Variants in ZNF827 observed in about 807,000 individuals in gnomAD.
The protein encoded by ZNF827 is zinc finger protein 827.
ZNF827 carries 13 observed loss-of-function variants against 102.4 expected under a neutral mutation model. The observed-to-expected ratio is 0.13, with a 90% CI of 0.08 to 0.20. The LOEUF is 0.20. Ranked by LOEUF, ZNF827 falls within the 10% of genes least tolerant of loss-of-function variation. ZNF827 has a pLI of 1.00. For missense variants in ZNF827, 1,103 were observed against 1,344.4 expected (o/e 0.82, Z 2.81); for synonymous variants, 523 against 536.2 (o/e 0.98, Z 0.34).
At chr4:145,844,049 A>T (rs1560989019) in intron 7 of ZNF827, among the ~76,000 whole-genome samples, 1 of 151,986 alleles carries the variant, frequency 6.6e-6, no homozygotes, top group Admixed American at 6.6e-5. Flanking sequence ...TAAAATGAAT[A>T]TTTTTTTATG....
chr4:145,855,863 T>A (rs79943788), intron 5 of ZNF827, among the ~76,000 whole-genome samples: 4,505 of 152,240 alleles, frequency 0.03, 109 homozygotes, highest in South Asian at 0.039. Flanking sequence ...ACCTTGTATC[T>A]CCATCCTTGT....
chr4:145,901,358 G>A (rs1158623112), intron 2 of ZNF827, among the ~76,000 whole-genome samples: 2 of 152,190 alleles, frequency 1.3e-5, no homozygotes, highest in South Asian at 2.1e-4. Context: ...AAGAAATGGT[G>A]TTTCCACTGT....
intron 1 of ZNF827, among the ~76,000 whole-genome samples, chr4:145,927,875 G>T (rs1753544875): frequency 6.6e-6 from 1 of 152,188 alleles, no homozygotes; most frequent in Non-Finnish European, 1.5e-5. Flanking sequence ...ACAAACAGAA[G>T]GTTTGAGTAA....
intron 8 of ZNF827, among the ~76,000 whole-genome samples, chr4:145,823,082 C>T (rs1276845761): frequency 1.3e-5 from 2 of 152,122 alleles, no homozygotes; most frequent in Non-Finnish European, 2.9e-5. Flanking sequence ...ACTGCCCTCC[C>T]CTATATTCCT....
chr4:145,786,461 G>A (rs1012663700), intron 8 of ZNF827, among the ~76,000 whole-genome samples: 1 of 152,186 alleles, frequency 6.6e-6, no homozygotes, highest in African/African-American at 2.4e-5. Context: ...CTCTGGGGCC[G>A]CTTGGGTTTT....
At chr4:145,851,432 C>T (rs1281253187) in intron 5 of ZNF827, among the ~76,000 whole-genome samples, 2 of 151,870 alleles carry the variant, frequency 1.3e-5, no homozygotes, top group African/African-American at 4.8e-5. Flanking sequence ...GCTGGGAGGG[C>T]CAAAAAGCTA....
chr4:145,880,253 T>A (rs1186358220), intron 4 of ZNF827, among the ~76,000 whole-genome samples: 1 of 152,212 alleles, frequency 6.6e-6, no homozygotes, highest in Non-Finnish European at 1.5e-5. Context: ...ATCTCAGTTC[T>A]ACCACCTATT....
At chr4:145,835,564 T>TGC (rs879823750) in intron 7 of ZNF827, among the ~76,000 whole-genome samples, 1,511 of 142,834 alleles carry the variant, frequency 0.011, 29 homozygotes, top group East Asian at 0.059. Flanking sequence ...ACTACAGCAA[T>TGC]ATCTCATTGC....
intron 1 of ZNF827, chr4:145,907,372 G>A: frequency 2.8e-6 from 1 of 363,012 alleles, no homozygotes; most frequent in East Asian, 7.6e-5. Flanking sequence ...TACATCGTGA[G>A]AAAAAGTTCT....
chr4:145,814,603 T>TA, intron 8 of ZNF827, among the ~76,000 whole-genome samples: 1 of 97,648 alleles, frequency 1.0e-5, no homozygotes, highest in Middle Eastern at 5.1e-3. Flanking sequence ...TGGTCTCACC[T>TA]CCTAACAAAC....
chr4:145,930,654 G>T (rs1394011836), intron 1 of ZNF827, among the ~76,000 whole-genome samples: 1 of 152,208 alleles, frequency 6.6e-6, no homozygotes, highest in Non-Finnish European at 1.5e-5. Context: ...TTTTTTATAA[G>T]AAGGGAATGG....
chr4:145,809,791 T>G (rs1741835530), intron 8 of ZNF827, among the ~76,000 whole-genome samples: 2 of 152,066 alleles, frequency 1.3e-5, no homozygotes, highest in African/African-American at 2.4e-5. Flanking sequence ...ACCCCTATGA[T>G]TTCATCTCCA....
Position 145,767,738 on chromosome 4 carries a change from C to T in ZNF827, c.2861-2000G>A, listed in dbSNP as rs1364048129. ...TTTAAAGTACTGAAAGATACACTGT[C>T]AACCTAAAATCTTATACCCAGTGAA... On this transcript the variant is annotated intron_variant, in intron 11 of 14. Coordinates refer to ENST00000508784, the MANE Select transcript of ZNF827 (RefSeq NM_001306215.2). 2.6e-5 allele frequency among the ~76,000 whole-genome samples: 4 copies of T among 152,244 alleles called. No individual in the cohort carries two copies. The East Asian group carries it at 7.7e-4, about 29-fold the overall frequency.
At position 145,893,372 on chromosome 4, in the gene ZNF827, A is replaced by G. The variant is rs576994657; in HGVS notation, c.1094-957T>C. ...GAACTTAGACATTTCTTTCTTAATC[A>G]TAAGGAATCAGAAATATTTCAAAAC... On this transcript the variant is annotated intron_variant, in intron 2 of 14. Transcript: ENST00000508784. 1.5e-3 allele frequency among the ~76,000 whole-genome samples: 221 copies of G among 152,372 alleles called. 1 individual carries two copies. The highest frequency in any genetic ancestry group is 5.1e-3 in the African/African-American group (211 of 41,584).
intron 1 of ZNF827, among the ~76,000 whole-genome samples, chr4:145,934,997 A>C (rs1039717496): frequency 2.0e-5 from 3 of 152,172 alleles, no homozygotes; most frequent in Non-Finnish European, 2.9e-5. Flanking sequence ...TTTTGTATTT[A>C]CTCAAAAGGG....
chr4:145,920,590 C>T lies in ZNF827; in HGVS notation c.44-17375G>A, dbSNP rs147462133. 3.9e-5 allele frequency among the ~76,000 whole-genome samples: 6 copies of T among 152,288 alleles called. No individual in the cohort carries two copies. The East Asian group carries it at 1.2e-3, about 29-fold the overall frequency. ...TGTTCATCGCCTCCTATACCCAGCC[C>T]GGGACAATTTAGGCAAATCGTTTTC... On this transcript the variant is annotated intron_variant, in intron 1 of 14. Transcript: ENST00000508784.
intron 3 of ZNF827, among the ~76,000 whole-genome samples, chr4:145,888,395 G>A (rs1183709885): frequency 6.6e-6 from 1 of 152,176 alleles, no homozygotes; most frequent in Admixed American, 6.5e-5. Context: ...CTTCTCTAAA[G>A]CACGTCATTC....
At chr4:145,844,187 G>C (rs530926213) in intron 7 of ZNF827, among the ~76,000 whole-genome samples, 93 of 152,058 alleles carry the variant, frequency 6.1e-4, no homozygotes, top group African/African-American at 2.2e-3. Context: ...GGATTCCATG[G>C]GAGTTCACAT....
At chr4:145,773,197 ATT>A (rs1325588567) in intron 11 of ZNF827, among the ~76,000 whole-genome samples, 1 of 152,218 alleles carries the variant, frequency 6.6e-6, no homozygotes, top group Non-Finnish European at 1.5e-5. Context: ...GCTGAATTTA[ATT>A]TGTCTTCAAC....
Sources: allele counts gnomAD v4.1 joint callset (sites outside exome capture counted in the v4.1 genomes callset), GRCh38; gene constraint gnomAD v4.1.1; transcripts MANE v1.5; gene names NCBI Gene and HGNC (gene_info 2026-07-23, HGNC 2026-07-21).